PDZD9: variants seen among roughly 807,000 people sequenced by gnomAD.
PDZD9 encodes PDZ domain containing 9.
A neutral mutation model predicts 16.3 loss-of-function variants in PDZD9; 13 were observed. That is an observed-to-expected ratio of 0.80 (90% CI 0.52 to 1.27). PDZD9 has a LOEUF of 1.27. PDZD9 is among the 50% of genes most tolerant of loss of function. The pLI, the probability that PDZD9 is intolerant of heterozygous loss-of-function variation, is 0.00. For missense variants in PDZD9, 288 were observed against 310.9 expected (o/e 0.93, Z 0.55); for synonymous variants, 120 against 111.0 (o/e 1.08, Z -0.51).
rs35980692 is a variant in PDZD9 at position 21,999,886 on chromosome 16, A to G, written c.31+1131T>C. Among the ~76,000 whole-genome samples, 1,223 of 152,220 alleles carry G rather than the reference A, an allele frequency of 8.0e-3. 8 individuals are homozygous for G. The highest frequency in any genetic ancestry group is 0.013 in the Non-Finnish European group (894 of 67,994). On this transcript the variant is annotated intron_variant, in intron 1 of 3. Coordinates refer to ENST00000424898, the MANE Select transcript of PDZD9 (RefSeq NM_001363519.1). Reference sequence around the variant, plus strand: ...ACACCGTTGCTACTGAAAACACAAAAATCAGCCAGGCGTGGTGGTTCACGC... The same window carrying G: ...ACACCGTTGCTACTGAAAACACAAAGATCAGCCAGGCGTGGTGGTTCACGC...
chr16:21,983,127 G>A (rs1000925967), downstream of PDZD9: 1 of 1,614,154 alleles, frequency 6.2e-7, no homozygotes, highest in Non-Finnish European at 8.5e-7. Flanking sequence ...GTCAATGGCA[G>A]CAAGTGGAAA....
intron 2 of PDZD9, among the ~76,000 whole-genome samples, chr16:21,994,919 C>T (rs1165693706): frequency 6.6e-6 from 1 of 151,990 alleles, no homozygotes; most frequent in Non-Finnish European, 1.5e-5. Context: ...CAGCCTCGGC[C>T]TCCTGCACTC....
chr16:21,980,508 C>T (rs959309403), downstream of PDZD9: 2 of 1,594,952 alleles, frequency 1.3e-6, no homozygotes, highest in Non-Finnish European at 1.7e-6. Flanking sequence ...AAATAATTGC[C>T]TTGCTCTCTA....
At chr16:21,957,761 C>G in the PDZD9 span, among the ~76,000 whole-genome samples, 6 of 152,202 alleles carry the variant, frequency 3.9e-5, no homozygotes, top group African/African-American at 9.6e-5. Context: ...GTCAAGGTGT[C>G]TAAGCCAAGC....
At chr16:21,983,329 A>AATAAAAC (rs1368644692), downstream of PDZD9, 9 of 593,932 alleles carry the variant, frequency 1.5e-5, no homozygotes, top group Non-Finnish European at 2.6e-5. Flanking sequence ...ACCTAAAGTC[A>AATAAAAC]ATAAAACATT....
At chr16:21,969,519 G>T in the PDZD9 span, among the ~76,000 whole-genome samples, 1 of 152,138 alleles carries the variant, frequency 6.6e-6, no homozygotes, top group African/African-American at 2.4e-5. Flanking sequence ...GCGACAGAGT[G>T]AGACTCTGTC....
intron 1 of PDZD9, 138 bp downstream of exon 1, chr16:22,000,874 ATAATG>A (rs1899282846): frequency 4.0e-5 from 28 of 698,272 alleles, no homozygotes; most frequent in African/African-American, 1.1e-4. Context: ...GATGATGATG[ATAATG>A]ATGATGATGA....
chr16:21,973,832 TAAAG>T, the PDZD9 span: 2 of 1,500,298 alleles, frequency 1.3e-6, no homozygotes, highest in South Asian at 1.2e-5. Context: ...TAGGCAAACT[TAAAG>T]AAATCGTGCC....
At position 21,996,398 on chromosome 16, in the gene PDZD9, G is replaced by T. The variant is rs1176005838; in HGVS notation, c.135C>A (p.Ile45=). 2.0e-6 allele frequency: 3 copies of T among 1,536,072 alleles called. No individual in the cohort carries two copies. The highest frequency in any genetic ancestry group is 8.7e-7 in the Non-Finnish European group (1 of 1,146,846). The change falls in exon 2 of 4, where the codon ATC becomes ATA. Residue 45 remains isoleucine (I), a synonymous_variant. Transcript: ENST00000424898. ...TGATCTGGAGGTAGGGTCCATGCTGGATGATGATGAGGCCTAATCCCAGGC... is the reference window on the plus strand; with the variant it reads ...TGATCTGGAGGTAGGGTCCATGCTGTATGATGATGAGGCCTAATCCCAGGC... ...VGSLGLGLII[I]QHGPYLQITH... is the part of the protein sequence containing the mutation.
intron 2 of PDZD9, among the ~76,000 whole-genome samples, chr16:21,992,223 A>G (rs1206840744): frequency 1.3e-5 from 2 of 152,136 alleles, no homozygotes; most frequent in African/African-American, 4.8e-5. Context: ...TGTGACAGTG[A>G]GACCATGTCT....
At chr16:21,976,276 T>A in the PDZD9 span, 2 of 1,542,848 alleles carry the variant, frequency 1.3e-6, no homozygotes, top group Non-Finnish European at 1.8e-6. Context: ...TTTTATGTTT[T>A]TGTTATTTGA....
At chr16:21,963,603 A>G in the PDZD9 span, among the ~76,000 whole-genome samples, 1 of 151,960 alleles carries the variant, frequency 6.6e-6, no homozygotes, top group Non-Finnish European at 1.5e-5. Flanking sequence ...AGCTGGGACT[A>G]CAGGCACACA....
rs1439705173 is a variant in PDZD9, at chr16:21,988,755, AAC to A, written c.246_247del (p.Leu83ArgfsTer30). 6.2e-7 allele frequency: 1 copy of A among 1,612,896 alleles called. No individual in the cohort carries two copies. Among genetic ancestry groups the A allele is most frequent in the Non-Finnish European group, 8.5e-7 (1 of 1,179,778 alleles). ...TAAAAATTCTCGAAGAGTATATCCTAACACATTGGCATGGCCAACACTAATCA... is the reference window on the plus strand; with the variant it reads ...TAAAAATTCTCGAAGAGTATATCCTAACATTGGCATGGCCAACACTAATCA... On this transcript the variant is annotated frameshift_variant, in exon 3 of 4. Coordinates refer to ENST00000424898, the MANE Select transcript of PDZD9 (RefSeq NM_001363519.1). LOFTEE classifies it high-confidence loss of function.
downstream of PDZD9, among the ~76,000 whole-genome samples, chr16:21,982,278 C>G (rs1898750953): frequency 6.6e-6 from 1 of 152,136 alleles, no homozygotes; most frequent in Admixed American, 6.5e-5. Flanking sequence ...GCTGCTGCTC[C>G]ACCTACACCT....
At position 22,001,038 on chromosome 16, in the gene PDZD9, C is replaced by T; in HGVS notation, c.10G>A (p.Ala4Thr). The change falls in exon 1 of 4, where the codon GCC (alanine) becomes ACC (threonine). Residue 4 changes from alanine to threonine, a missense_variant. Ala to Thr is a moderately conservative substitution (Grantham distance 58, BLOSUM62 0). Coordinates refer to ENST00000424898, the MANE Select transcript of PDZD9 (RefSeq NM_001363519.1). MQKASHKNKKERGV... is the reference protein window; with the variant it reads MQKTSHKNKKERGV... ...TTACCTTTTTTGTTTTTGTGGGAGGCCTTCTGCATGGTCCCGGGAGGTCAG... is the reference window on the plus strand; with the variant it reads ...TTACCTTTTTTGTTTTTGTGGGAGGTCTTCTGCATGGTCCCGGGAGGTCAG... 1 of 1,532,238 alleles carries T rather than the reference C, an allele frequency of 6.5e-7. No individual in the cohort carries two copies. Among genetic ancestry groups the T allele is most frequent in the Non-Finnish European group, 8.7e-7 (1 of 1,145,446 alleles). The allele number at this position is 1,532,238 out of a possible 1,614,324, so 94.9% of individuals were successfully genotyped here.
chr16:21,966,972 C>A, the PDZD9 span, among the ~76,000 whole-genome samples: 1 of 152,052 alleles, frequency 6.6e-6, no homozygotes, highest in Non-Finnish European at 1.5e-5. Flanking sequence ...CATGTTGTCA[C>A]ATAAAGCAAT....
At chr16:21,983,183 A>T (rs1201028763), downstream of PDZD9, 39 of 1,611,128 alleles carry the variant, frequency 2.4e-5, no homozygotes, top group Non-Finnish European at 3.3e-5. Flanking sequence ...ACTGATGCAC[A>T]CATTACAGGA....
the PDZD9 span, chr16:21,963,189 C>T: frequency 1.0e-5 from 2 of 200,198 alleles, no homozygotes; most frequent in Non-Finnish European, 2.1e-5. Context: ...AGGGTTTTGC[C>T]ATGTTGGTCA....
rs1260339492 is a variant in PDZD9 at position 21,996,381 on chromosome 16, A to T, written c.152T>A (p.Leu51His). 1 of 1,535,980 alleles carries T rather than the reference A, an allele frequency of 6.5e-7. No homozygotes were observed. The highest frequency in any genetic ancestry group is 8.7e-7 in the Non-Finnish European group (1 of 1,146,846). The change falls in exon 2 of 4, where the codon CTC becomes CAC. Residue 51 changes from leucine to histidine, a missense_variant. By Grantham distance (99) the Leu-to-His change is moderately conservative (BLOSUM62 -3). Transcript: ENST00000424898. ...CTTCCTGATGAGGTGGGTGATCTGG[A>T]GGTAGGGTCCATGCTGGATGATGAT... ...GLIIIQHGPYLQITHLIRKGA... is the reference protein window; with the variant it reads ...GLIIIQHGPYHQITHLIRKGA...
Sources: gnomAD v4.1 joint callset for allele counts (sites outside exome capture counted in the v4.1 genomes callset) on GRCh38, gnomAD v4.1.1 for gene constraint, MANE v1.5 for transcripts, NCBI Gene and HGNC (gene_info 2026-07-23, HGNC 2026-07-21) for gene names.